Variants in HIP1R observed in about 807,000 individuals in gnomAD.
The protein encoded by HIP1R is huntingtin interacting protein 1 related.
Under a neutral mutation model 144.2 loss-of-function variants are expected in HIP1R, and 135 were observed. That is an observed-to-expected ratio of 0.94 (90% CI 0.81 to 1.08). The LOEUF is 1.08. Ranked by LOEUF, HIP1R falls within the 50% of genes least tolerant of loss-of-function variation. HIP1R has a pLI of 0.00. For missense variants in HIP1R, 1,462 were observed against 1,432.8 expected (o/e 1.02, Z -0.33); for synonymous variants, 698 against 612.8 (o/e 1.14, Z -2.05).
In HIP1R at chr12:122,835,480, C is replaced by A; in HGVS notation, c.-71C>A. 1 of 1,207,028 alleles carries A rather than the reference C, an allele frequency of 8.3e-7. No homozygotes were observed. Among genetic ancestry groups the A allele is most frequent in the South Asian group, 2.9e-5 (1 of 34,222 alleles). The allele number at this position is 1,207,028 out of a possible 1,614,324, so 74.8% of individuals were successfully genotyped here. A position where few individuals can be genotyped will look rare whatever the true frequency, so the allele number is the denominator to read the frequency against. Reference sequence around the variant, plus strand: ...GCGCGGTGGCCTCGCGGTGCCTAGGCTGGGGCTGCCGGACCGTGAGGCTGT... The same window carrying A: ...GCGCGGTGGCCTCGCGGTGCCTAGGATGGGGCTGCCGGACCGTGAGGCTGT... On this transcript the variant is annotated 5_prime_UTR_variant, in exon 1 of 32. It adds an upstream start codon to the 5' untranslated region. Transcript: ENST00000253083.
rs768907736 is a variant in HIP1R, at chr12:122,856,326, C to T, written c.1383C>T (p.His461=). The T allele has an allele frequency of 4.3e-6, 7 of 1,613,838 alleles. No homozygotes were observed. In the South Asian group the frequency reaches 5.5e-5, roughly 13 times the overall value. ...KEKHSELVHV[H]AELLRKNADT... The stretch of plus-strand genomic sequence containing the variant: ...AGCACAGTGAGCTCGTCCATGTGCA[C>T]GCGGAGCTGCTCAGAAAGGTAGGTG... Residue 461 remains histidine, a synonymous_variant, in exon 15 of 32, where the codon CAC becomes CAT. Coordinates refer to ENST00000253083, the MANE Select transcript of HIP1R (RefSeq NM_003959.3).
chr12:122,858,789 G>A (rs997517769), intron 20 of HIP1R, 49 bp from the exon 21 acceptor site: 2 of 1,299,722 alleles, frequency 1.5e-6, no homozygotes, highest in South Asian at 1.2e-5. Flanking sequence ...CCCAGTGCTA[G>A]TGTCTCAGTG....
intron 1 of HIP1R, among the ~76,000 whole-genome samples, chr12:122,837,212 C>G (rs1411145473): frequency 6.6e-6 from 1 of 152,024 alleles, no homozygotes; most frequent in African/African-American, 2.4e-5. Flanking sequence ...ATTGATCTTA[C>G]TCTTAAATGA....
Position 122,855,267 on chromosome 12 carries a change from A to G in HIP1R, c.855A>G (p.Gly285=), listed in dbSNP as rs960958507. Residue 285 remains glycine, a splice_region_variant and synonymous_variant, in exon 11 of 32, where the codon GGA becomes GGG. Transcript: ENST00000253083. ...RLIQIPRLPE[G]PPNFLRASAL... The stretch of plus-strand genomic sequence containing the variant: ...GGTCCCACCTGCCGCCCCTGCAGGG[A>G]CCCCCTAACTTCCTGCGGGCCTCAG... 3.1e-6 allele frequency: 5 copies of G among 1,612,480 alleles called. No individual in the cohort carries two copies. The highest frequency in any genetic ancestry group is 4.2e-6 in the Non-Finnish European group (5 of 1,179,780).
chr12:122,850,937 G>A (rs759917547), intron 6 of HIP1R, 26 bp downstream of exon 6: 3 of 1,593,478 alleles, frequency 1.9e-6, no homozygotes, highest in Middle Eastern at 1.7e-4. Flanking sequence ...TGGCTACATA[G>A]CCAGTTCCCC....
intron 17 of HIP1R, 78 bp from the exon 18 acceptor site, chr12:122,856,943 C>T: frequency 8.5e-7 from 1 of 1,175,278 alleles, no homozygotes; most frequent in South Asian, 1.3e-5. Context: ...CCCCAGGGCC[C>T]AGTTTATAAG....
rs200726268 is a variant in HIP1R, at chr12:122,855,631, G to A, written c.1055+19G>A. 42 of 1,549,870 alleles carry A rather than the reference G, an allele frequency of 2.7e-5. No individual in the cohort carries two copies. In the Admixed American group the frequency reaches 4.1e-4, roughly 15 times the overall value. On this transcript the variant is annotated intron_variant, in intron 12 of 31. Coordinates refer to ENST00000253083, the MANE Select transcript of HIP1R (RefSeq NM_003959.3). Reference sequence around the variant, plus strand: ...ACGACAGGTGAGGGCTGGAGGAGCCGACTGGGCTGGGGGTGGTTGGAAACG... The same window carrying A: ...ACGACAGGTGAGGGCTGGAGGAGCCAACTGGGCTGGGGGTGGTTGGAAACG...
chr12:122,850,391 C>G (rs1851153255), intron 5 of HIP1R: 1 of 445,266 alleles, frequency 2.2e-6, no homozygotes, highest in South Asian at 1.6e-5. Flanking sequence ...TGGGGGGGGC[C>G]CTGGTTCGGT....
chr12:122,853,888 G>T (rs2033474660), intron 7 of HIP1R, 155 bp from the exon 8 acceptor site: 1 of 802,878 alleles, frequency 1.2e-6, no homozygotes, highest in Non-Finnish European at 1.9e-6. Context: ...TCTTGACCTG[G>T]GGCAGCCACC....
chr12:122,858,887 G>C lies in HIP1R; in HGVS notation c.2100G>C (p.Ala700=), dbSNP rs780470705. The change falls in exon 21 of 32, where the codon GCG becomes GCC. Residue 700 remains alanine (A), a synonymous_variant. Transcript: ENST00000253083. ...TGACCCGCTTCTCCCACCTGGCTGC[G>C]GATACCATCATCAATGGCGGTGCCA... The part of the protein sequence containing the change: ...AALTRFSHLA[A]DTIINGGATS... 1.9e-6 allele frequency: 3 copies of C among 1,613,278 alleles called. No individual in the cohort carries two copies. The highest frequency in any genetic ancestry group is 1.7e-6 in the Non-Finnish European group (2 of 1,180,028).
At chr12:122,842,478 T>G (rs1365772413) in intron 1 of HIP1R, among the ~76,000 whole-genome samples, 6 of 152,136 alleles carry the variant, frequency 3.9e-5, no homozygotes, top group Admixed American at 3.3e-4. Context: ...ATTTGCCCAG[T>G]GGGGATTTGC....
rs1566115240 is a variant in HIP1R at position 122,860,080 on chromosome 12, G to GA, written c.2496+4dup. 6.3e-7 allele frequency: 1 copy of GA among 1,576,510 alleles called. No individual in the cohort carries two copies. Among genetic ancestry groups the GA allele is most frequent in the East Asian group, 2.2e-5 (1 of 44,544 alleles). The stretch of plus-strand genomic sequence containing the variant: ...ACTCCTGCACAGACCTGATGAAGGT[G>GA]AGGGGCTGTGACCCGGGGGGGTCTG... On this transcript the variant is annotated splice_donor_region_variant and intron_variant, in intron 25 of 31. Transcript: ENST00000253083.
At chr12:122,858,798 T>C in intron 20 of HIP1R, 40 bp from the exon 21 acceptor site, 2 of 1,385,634 alleles carry the variant, frequency 1.4e-6, no homozygotes, top group Non-Finnish European at 2.1e-6. Context: ...AGTGTCTCAG[T>C]GTCATCCTCC....
intron 31 of HIP1R, 35 bp from the exon 32 acceptor site, chr12:122,861,671 T>A (rs764851759): frequency 7.4e-6 from 12 of 1,612,836 alleles, no homozygotes; most frequent in Non-Finnish European, 8.5e-6. Context: ...GGTGCCTGGC[T>A]GTGACCACTG....
chr12:122,838,981 A>G (rs1048994150), intron 1 of HIP1R, among the ~76,000 whole-genome samples: 1 of 152,126 alleles, frequency 6.6e-6, no homozygotes, highest in African/African-American at 2.4e-5. Context: ...CCTGTTTTAG[A>G]CTTCCGACCT....
Position 122,862,029 on chromosome 12 carries a change from G to A in HIP1R, c.*276G>A. 1 of 458,086 alleles carries A rather than the reference G, an allele frequency of 2.2e-6. No homozygotes were observed. Among genetic ancestry groups the A allele is most frequent in the East Asian group, 3.5e-5 (1 of 28,812 alleles). The allele number at this position is 458,086 out of a possible 1,614,324, so 28.4% of individuals were successfully genotyped here. On this transcript the variant is annotated 3_prime_UTR_variant, in exon 32 of 32. Coordinates refer to ENST00000253083, the MANE Select transcript of HIP1R (RefSeq NM_003959.3). ...CTGAGCCTCAACTCTTCAGAAAATA[G>A]TGTTTTTAATATTCCTCTTCAGAAA...
chr12:122,843,441 A>G (rs931498685), intron 1 of HIP1R, among the ~76,000 whole-genome samples: 25 of 152,242 alleles, frequency 1.6e-4, no homozygotes, highest in African/African-American at 6.0e-4. Context: ...GCTGAGCTCA[A>G]TAAAATTGAA....
chr12:122,848,915 G>A, intron 4 of HIP1R, 63 bp downstream of exon 4: 1 of 1,537,428 alleles, frequency 6.5e-7, no homozygotes, highest in South Asian at 1.1e-5. Context: ...GTGGGGCTGA[G>A]CGAAGGGTGG....
chr12:122,835,454 G>GGCGCGGTGGCC, upstream of HIP1R: 1 of 1,156,540 alleles, frequency 8.6e-7, no homozygotes, highest in Middle Eastern at 3.7e-4. Flanking sequence ...GCCCGGGCGC[G>GGCGCGGTGGCC]GCGCGGTGGC....
Sources: gnomAD v4.1 joint callset for allele counts (sites outside exome capture counted in the v4.1 genomes callset) on GRCh38, gnomAD v4.1.1 for gene constraint, MANE v1.5 for transcripts, NCBI Gene and HGNC (gene_info 2026-07-23, HGNC 2026-07-21) for gene names.